Variants in PCDHGA5 observed in about 807,000 individuals in gnomAD.
PCDHGA5 encodes the protein protocadherin gamma subfamily A, 5, also known as protocadherin gamma-A5.
In PCDHGA5, 36 loss-of-function variants were observed where a neutral mutation model predicts 56.7. That is an observed-to-expected ratio of 0.64 (90% CI 0.49 to 0.84). The LOEUF is 0.84. Among genes scored for constraint, PCDHGA5 ranks in the 40% least tolerant of loss-of-function variants. The pLI, the probability that PCDHGA5 is intolerant of heterozygous loss-of-function variation, is 0.00. For missense variants in PCDHGA5, 1,305 were observed against 1,201.5 expected (o/e 1.09, Z -1.27); for synonymous variants, 563 against 520.2 (o/e 1.08, Z -1.12).
intron 1 of PCDHGA5, chr5:141,374,260 G>T: frequency 1.2e-6 from 2 of 1,613,998 alleles, no homozygotes; most frequent in Non-Finnish European, 1.7e-6. Flanking sequence ...CCCAGGAGTT[G>T]GCGGAGCACG....
chr5:141,365,543 T>G lies in PCDHGA5; in HGVS notation c.1213T>G (p.Leu405Val). The change falls in exon 1 of 4, where the codon TTA becomes GTA. Residue 405 changes from leucine (L) to valine (V), a missense_variant. Transcript: ENST00000518069. ...EKSVDNYYHL[L>V]TTRDLDREET... ...GTCAGTTGATAATTACTATCACCTA[T>G]TAACAACTAGGGACCTGGACAGAGA... 1 of 1,613,830 alleles carries G rather than the reference T, an allele frequency of 6.2e-7. No homozygotes were observed. The highest frequency in any genetic ancestry group is 8.5e-7 in the Non-Finnish European group (1 of 1,179,890).
intron 1 of PCDHGA5, chr5:141,403,373 A>C: frequency 6.2e-7 from 1 of 1,614,074 alleles, no homozygotes; most frequent in Non-Finnish European, 8.5e-7. Flanking sequence ...TCTGGAAGTA[A>C]AAATTAACGA....
intron 1 of PCDHGA5, chr5:141,392,745 G>T: frequency 6.9e-7 from 1 of 1,441,296 alleles, no homozygotes; most frequent in Non-Finnish European, 9.1e-7. Flanking sequence ...CCATAGCTGC[G>T]GCAAGAAACT....
Position 141,431,570 on chromosome 5 carries a change from G to T in PCDHGA5, c.2422-63237G>T. On this transcript the variant is annotated intron_variant, in intron 1 of 3. Coordinates refer to ENST00000518069, the MANE Select transcript of PCDHGA5 (RefSeq NM_018918.3). This position sits in a 1 kb window ranked among gnomAD's most constrained non-coding sequence, Gnocchi z 4.8. The stretch of plus-strand genomic sequence containing the variant: ...TGTAGTCAACGCTACCGACCCTGAC[G>T]AAGGAGTCAATGCGGAAGTGAGGTA... The T allele has an allele frequency of 6.2e-7, 1 of 1,614,172 alleles. No homozygotes were observed. Among genetic ancestry groups the T allele is most frequent in the Non-Finnish European group, 8.5e-7 (1 of 1,180,024 alleles).
Position 141,403,914 on chromosome 5 carries a change from C to A in PCDHGA5, c.2421+37163C>A, listed in dbSNP as rs748975395. The A allele has an allele frequency of 1.3e-5, 21 of 1,613,662 alleles. No homozygotes were observed. Among genetic ancestry groups the A allele is most frequent in the South Asian group, 2.2e-5 (2 of 91,064 alleles). On this transcript the variant is annotated intron_variant, in intron 1 of 3. Coordinates refer to ENST00000518069, the MANE Select transcript of PCDHGA5 (RefSeq NM_018918.3). ...TCATTTTATGAAATGGAAATACAAG[C>A]TGAAGATGGTGGGGGATTGAAAGGG...
At chr5:141,475,996 G>T (rs2099383729) in intron 1 of PCDHGA5, 4 of 1,181,402 alleles carry the variant, frequency 3.4e-6, no homozygotes, top group Non-Finnish European at 3.5e-6. Flanking sequence ...GCAAATCAAC[G>T]GCATCCAGAA....
chr5:141,399,910 G>C, intron 1 of PCDHGA5: 1 of 1,612,438 alleles, frequency 6.2e-7, no homozygotes, highest in Non-Finnish European at 8.5e-7. Context: ...CGCAGACTCA[G>C]GACACAACGC....
chr5:141,505,614 A>G (rs2154593732), intron 3 of PCDHGA5, 133 bp downstream of exon 3: 1 of 1,510,758 alleles, frequency 6.6e-7, no homozygotes, highest in Non-Finnish European at 8.9e-7. Context: ...GTCTGAAAGG[A>G]CCCACAATTC....
At position 141,485,929 on chromosome 5, in the gene PCDHGA5, G is replaced by A; in HGVS notation, c.2422-8878G>A. 1 of 1,614,150 alleles carries A rather than the reference G, an allele frequency of 6.2e-7. No homozygotes were observed. The highest frequency in any genetic ancestry group is 8.5e-7 in the Non-Finnish European group (1 of 1,180,036). ...AATCCAGCTACAGGATTAGTGTGTT[G>A]GAGAGCGCACCAGCGGGCATGGTGC... On this transcript the variant is annotated intron_variant, in intron 1 of 3. Coordinates refer to ENST00000518069, the MANE Select transcript of PCDHGA5 (RefSeq NM_018918.3). This position sits in a 1 kb window ranked among gnomAD's most constrained non-coding sequence, Gnocchi z 5.7.
At chr5:141,461,394 G>A (rs2099014614) in intron 1 of PCDHGA5, among the ~76,000 whole-genome samples, 1 of 152,098 alleles carries the variant, frequency 6.6e-6, no homozygotes. Flanking sequence ...GATTAGCGAT[G>A]TTGAGCATTT....
At position 141,389,190 on chromosome 5, in the gene PCDHGA5, A is replaced by G; in HGVS notation, c.2421+22439A>G. The G allele has an allele frequency of 6.2e-7, 1 of 1,614,034 alleles. No individual in the cohort carries two copies. The highest frequency in any genetic ancestry group is 8.5e-7 in the Non-Finnish European group (1 of 1,179,896). ...GCCTCCCCTCTCCTCCAGTTCCAGC[A>G]TCACCCTGCACATTGGTGATGTAAA... On this transcript the variant is annotated intron_variant, in intron 1 of 3. Coordinates refer to ENST00000518069, the MANE Select transcript of PCDHGA5 (RefSeq NM_018918.3).
At chr5:141,449,407 G>A (rs1367837385) in intron 1 of PCDHGA5, among the ~76,000 whole-genome samples, 2 of 151,754 alleles carry the variant, frequency 1.3e-5, no homozygotes, top group Non-Finnish European at 2.9e-5. Flanking sequence ...AGGAGTTCAA[G>A]ACCAGCCTGG....
intron 1 of PCDHGA5, chr5:141,427,739 C>G: frequency 2.4e-6 from 3 of 1,232,634 alleles, no homozygotes; most frequent in Non-Finnish European, 3.5e-6. Context: ...ATGGCCAAGT[C>G]TCCTACTCCA....
chr5:141,492,122 C>G (rs2154587050), intron 1 of PCDHGA5, among the ~76,000 whole-genome samples: 1 of 152,328 alleles, frequency 6.6e-6, no homozygotes, highest in Admixed American at 6.5e-5. Context: ...GATTTCTCCC[C>G]AGCTCCCAGC....
At position 141,403,374 on chromosome 5, in the gene PCDHGA5, A is replaced by G. The variant is rs1448394920; in HGVS notation, c.2421+36623A>G. 3.1e-6 allele frequency: 5 copies of G among 1,613,936 alleles called. No individual in the cohort carries two copies. The African/African-American group carries it at 6.7e-5, about 22-fold the overall frequency. ...TTCCAGGCCGAAAGTCTGGAAGTAA[A>G]AATTAACGAAATCGCGGTTCCTGGA... On this transcript the variant is annotated intron_variant, in intron 1 of 3. Transcript: ENST00000518069.
At position 141,485,430 on chromosome 5, in the gene PCDHGA5, T is replaced by C; in HGVS notation, c.2422-9377T>C. The C allele has an allele frequency of 6.2e-7, 1 of 1,614,138 alleles. No individual in the cohort carries two copies. Among genetic ancestry groups the C allele is most frequent in the Non-Finnish European group, 8.5e-7 (1 of 1,180,022 alleles). On this transcript the variant is annotated intron_variant, in intron 1 of 3. Transcript: ENST00000518069. The surrounding 1 kb of genome is among the most constrained non-coding windows in gnomAD (Gnocchi z 5.7). ...GATTTGGACAGCGGAGCCCTGCTCA[T>C]CAAGAACCCAATCGACCGAGAGGCA... is the stretch of plus-strand genomic sequence containing the variant.
intron 1 of PCDHGA5, among the ~76,000 whole-genome samples, chr5:141,448,617 T>C (rs1318664360): frequency 2.0e-5 from 3 of 152,150 alleles, no homozygotes; most frequent in Non-Finnish European, 2.9e-5. Flanking sequence ...ACTTTATATC[T>C]TCCTTTCTTC....
At chr5:141,461,614 T>G (rs954890718) in intron 1 of PCDHGA5, among the ~76,000 whole-genome samples, 11 of 152,208 alleles carry the variant, frequency 7.2e-5, no homozygotes, top group Non-Finnish European at 1.2e-4. Flanking sequence ...TTCAAAGTAT[T>G]TTCTAATACA....
chr5:141,393,186 G>C, intron 1 of PCDHGA5: 2 of 1,613,306 alleles, frequency 1.2e-6, no homozygotes, highest in East Asian at 4.5e-5. Context: ...AGAAATAATT[G>C]ATATTAACGA....
Sources: gnomAD v4.1 joint callset for allele counts (sites outside exome capture counted in the v4.1 genomes callset) on GRCh38, gnomAD v4.1.1 for gene constraint, Gnocchi (gnomAD v3.1) non-coding constraint, MANE v1.5 for transcripts, NCBI Gene and HGNC (gene_info 2026-07-23, HGNC 2026-07-21) for gene names.